Variants in LRRC4C observed in about 807,000 individuals in gnomAD.
LRRC4C encodes leucine rich repeat containing 4C.
A neutral mutation model predicts 33.6 loss-of-function variants in LRRC4C; 5 were observed. The observed-to-expected ratio is 0.15, with a 90% CI of 0.08 to 0.31. The LOEUF is 0.31. LRRC4C is among the 10% of genes least tolerant of loss of function. LRRC4C has a pLI of 1.00. For missense variants in LRRC4C, 560 were observed against 796.7 expected (o/e 0.70, Z 3.58); for synonymous variants, 329 against 302.0 (o/e 1.09, Z -0.93).
At chr11:41,090,157 T>A (rs1940302920) in intron 1 of LRRC4C, among the ~76,000 whole-genome samples, 2 of 152,086 alleles carry the variant, frequency 1.3e-5, no homozygotes, top group Admixed American at 1.3e-4. Context: ...CAATATATCA[T>A]TAAGTGAAAA....
At chr11:40,227,947 G>C (rs1864930134) in intron 5 of LRRC4C, among the ~76,000 whole-genome samples, 1 of 152,174 alleles carries the variant, frequency 6.6e-6, no homozygotes, top group African/African-American at 2.4e-5. Flanking sequence ...ACATAAACCA[G>C]AGAGCAATCT....
At chr11:40,971,346 G>A (rs866206682) in intron 1 of LRRC4C, among the ~76,000 whole-genome samples, 7 of 152,194 alleles carry the variant, frequency 4.6e-5, no homozygotes, top group Non-Finnish European at 7.3e-5. Flanking sequence ...CCAGCCATGG[G>A]TCAAAGGAGC....
At chr11:41,049,646 C>T (rs1480913692) in intron 1 of LRRC4C, among the ~76,000 whole-genome samples, 3 of 151,930 alleles carry the variant, frequency 2.0e-5, no homozygotes, top group East Asian at 1.9e-4. Context: ...CAAAGAGAAG[C>T]GTACAGATTT....
At chr11:40,641,015 C>CAAAAAAAAAAA (rs5791392) in intron 3 of LRRC4C, among the ~76,000 whole-genome samples, 1 of 110,088 alleles carries the variant, frequency 9.1e-6, no homozygotes, top group African/African-American at 3.7e-5. Flanking sequence ...GAGTCCATCT[C>CAAAAAAAAAAA]AAAAAAAAAA....
intron 2 of LRRC4C, among the ~76,000 whole-genome samples, chr11:40,688,031 T>C (rs1052113048): frequency 6.6e-6 from 1 of 152,076 alleles, no homozygotes; most frequent in Non-Finnish European, 1.5e-5. Flanking sequence ...TATTGTTCCA[T>C]AATAATGCCT....
intron 3 of LRRC4C, among the ~76,000 whole-genome samples, chr11:40,604,747 T>C (rs1276521434): frequency 1.3e-5 from 2 of 151,280 alleles, no homozygotes; most frequent in East Asian, 1.9e-4. Flanking sequence ...TAGGAGAATA[T>C]GCTAAAGATG....
intron 4 of LRRC4C, among the ~76,000 whole-genome samples, chr11:40,316,546 T>C (rs1231976394): frequency 6.6e-6 from 1 of 151,976 alleles, no homozygotes; most frequent in Non-Finnish European, 1.5e-5. Context: ...AAAATCTGCA[T>C]GACAATGCTT....
At chr11:40,382,542 T>C (rs979104308) in intron 3 of LRRC4C, among the ~76,000 whole-genome samples, 3 of 151,958 alleles carry the variant, frequency 2.0e-5, no homozygotes, top group African/African-American at 7.2e-5. Flanking sequence ...TATTATTTTA[T>C]GATAAGAACA....
chr11:40,433,581 A>C (rs1218737659), intron 3 of LRRC4C, among the ~76,000 whole-genome samples: 1 of 152,226 alleles, frequency 6.6e-6, no homozygotes, highest in African/African-American at 2.4e-5. Context: ...AACTCTGAAG[A>C]TGAATTCAGA....
chr11:40,968,502 A>AGG (rs1851506057), intron 1 of LRRC4C, among the ~76,000 whole-genome samples: 1 of 152,144 alleles, frequency 6.6e-6, no homozygotes, highest in African/African-American at 2.4e-5. Context: ...TTTCATAGCT[A>AGG]ATTTGGAGAA....
At chr11:40,182,925 ACT>A (rs1861121170) in intron 5 of LRRC4C, among the ~76,000 whole-genome samples, 1 of 151,996 alleles carries the variant, frequency 6.6e-6, no homozygotes, top group Non-Finnish European at 1.5e-5. Flanking sequence ...TACTATTATC[ACT>A]CTCATTTTAT....
intron 3 of LRRC4C, among the ~76,000 whole-genome samples, chr11:40,500,017 C>T (rs1954665798): frequency 6.6e-6 from 1 of 151,858 alleles, no homozygotes; most frequent in African/African-American, 2.4e-5. Context: ...CCAGAGATTA[C>T]TATAAAATTC....
chr11:40,192,088 A>G (rs985879223), intron 5 of LRRC4C, among the ~76,000 whole-genome samples: 5 of 152,138 alleles, frequency 3.3e-5, no homozygotes, highest in African/African-American at 1.2e-4. Flanking sequence ...CATTGATATG[A>G]TTGATCATAT....
Position 40,578,456 on chromosome 11 carries a change from G to A in LRRC4C, c.-270+69686C>T, listed in dbSNP as rs532107640. On this transcript the variant is annotated intron_variant, in intron 3 of 6. Transcript: ENST00000528697. ...CTAGTTGAAAATGCTTTGTGTAAGA[G>A]ATAATACTACTGATAATAATTTTTA... 1.0e-3 allele frequency among the ~76,000 whole-genome samples: 153 copies of A among 152,084 alleles called. 3 individuals carry two copies. The Middle Eastern group carries it at 0.014, about 14-fold the overall frequency.
intron 3 of LRRC4C, among the ~76,000 whole-genome samples, chr11:40,518,204 C>A (rs1365494663): frequency 6.6e-6 from 1 of 152,044 alleles, no homozygotes; most frequent in Non-Finnish European, 1.5e-5. Context: ...GCATAGGCAA[C>A]AACTTCATGA....
intron 2 of LRRC4C, among the ~76,000 whole-genome samples, chr11:40,726,301 A>G (rs945990861): frequency 1.3e-5 from 2 of 152,150 alleles, no homozygotes; most frequent in Admixed American, 6.6e-5. Flanking sequence ...TAACTTCTCT[A>G]TGAAAACAGT....
At chr11:40,129,065 C>G (rs1477779852) in intron 6 of LRRC4C, among the ~76,000 whole-genome samples, 2 of 152,078 alleles carry the variant, frequency 1.3e-5, no homozygotes, top group Non-Finnish European at 2.9e-5. Context: ...TCACCTAGAA[C>G]AGTACTCATG....
chr11:40,251,729 A>G (rs1469656201), intron 4 of LRRC4C, among the ~76,000 whole-genome samples: 1 of 152,154 alleles, frequency 6.6e-6, no homozygotes, highest in Non-Finnish European at 1.5e-5. Context: ...GGCTCTAATA[A>G]GTTACTTTGA....
chr11:40,117,807 C>T (rs1376869916), intron 6 of LRRC4C, among the ~76,000 whole-genome samples: 1 of 151,906 alleles, frequency 6.6e-6, no homozygotes, highest in Non-Finnish European at 1.5e-5. Context: ...CTTATCCTTT[C>T]TGTGGCTTAA....
Sources: gnomAD v4.1 joint callset for allele counts (sites outside exome capture counted in the v4.1 genomes callset) on GRCh38, gnomAD v4.1.1 for gene constraint, MANE v1.5 for transcripts, NCBI Gene and HGNC (gene_info 2026-07-23, HGNC 2026-07-21) for gene names.